A3GALT2: variants seen among roughly 807,000 people sequenced by gnomAD.
A3GALT2 encodes alpha-1,3-galactosyltransferase 2.
A3GALT2 carries 14 observed loss-of-function variants against 16.6 expected under a neutral mutation model. The observed-to-expected ratio is 0.84, with a 90% CI of 0.56 to 1.32. A3GALT2 has a LOEUF of 1.32. Ranked by LOEUF, A3GALT2 falls within the 40% of genes most tolerant of loss-of-function variation. A3GALT2 has a pLI of 0.00. For synonymous variants in A3GALT2, 253 were observed against 218.0 expected, an observed-to-expected ratio of 1.16 and a Z score of -1.42; for missense variants, 600 against 490.9, an observed-to-expected ratio of 1.22 and a Z score of -2.10.
Position 33,312,864 on chromosome 1 carries a change from TGCC to T in A3GALT2, c.47_49del (p.Arg16del). ...TAAGAGGCCAAGTGTAAGTAGGATCTGCCGCCAGAAGATTCTCTTCCAGGCCCT... is the reference window on the plus strand; with the variant it reads ...TAAGAGGCCAAGTGTAAGTAGGATCTGCCAGAAGATTCTCTTCCAGGCCCT... On this transcript the variant is annotated inframe_deletion, in exon 2 of 5. Transcript: ENST00000442999. 1 of 1,606,838 alleles carries T rather than the reference TGCC, an allele frequency of 6.2e-7. No individual in the cohort carries two copies. The highest frequency in any genetic ancestry group is 8.5e-7 in the Non-Finnish European group (1 of 1,176,804).
chr1:33,309,352 G>A (rs1424579933), intron 4 of A3GALT2, among the ~76,000 whole-genome samples: 1 of 150,016 alleles, frequency 6.7e-6, no homozygotes, highest in Admixed American at 6.6e-5. Context: ...GCTGGGCAGA[G>A]GCGCCCCCCC....
At position 33,312,164 on chromosome 1, in the gene A3GALT2, T is replaced by C; in HGVS notation, c.223A>G (p.Thr75Ala). 6.2e-7 allele frequency: 1 copy of C among 1,613,196 alleles called. No homozygotes were observed. The highest frequency in any genetic ancestry group is 8.5e-7 in the Non-Finnish European group (1 of 1,179,782). Residue 75 changes from threonine (T) to alanine (A), a missense_variant, in exon 4 of 5, where the codon ACC becomes GCC. Transcript: ENST00000442999. ...PWARPEVLTC[T>A]PWGAPIIWDG... ...CAAATAATGGGAGCCCCCCAGGGGGTACAGGTCAGAACTTCAGGCCGGGCC... is the reference window on the plus strand; with the variant it reads ...CAAATAATGGGAGCCCCCCAGGGGGCACAGGTCAGAACTTCAGGCCGGGCC...
chr1:33,311,656 A>G (rs72889862), intron 4 of A3GALT2, among the ~76,000 whole-genome samples: 5,673 of 152,134 alleles, frequency 0.037, 118 homozygotes, highest in Middle Eastern at 0.13. Context: ...CTGACCTCCA[A>G]TGGGCACCGA....
chr1:33,307,776 A>C (rs1429248652), intron 4 of A3GALT2, among the ~76,000 whole-genome samples: 1 of 376 alleles, frequency 2.7e-3, no homozygotes, highest in Non-Finnish European at 5.1e-3. Flanking sequence ...CCCCACCTCA[A>C]CCCACCCACC....
At position 33,312,630 on chromosome 1, in the gene A3GALT2, A is replaced by T. The variant is rs1646240288; in HGVS notation, c.108-40T>A. 7 of 1,520,908 alleles carry T rather than the reference A, an allele frequency of 4.6e-6. No homozygotes were observed. In the Middle Eastern group the frequency reaches 6.7e-4, roughly 145 times the overall value. 94.2% of individuals were successfully genotyped at this position (1,520,908 alleles called of 1,614,324 possible). Reference sequence around the variant, plus strand: ...GGGGCGGGGGGCAGGCAGCCGTGAGAAGCATGTCAGCCTGGCCAGGAGCCC... The same window carrying T: ...GGGGCGGGGGGCAGGCAGCCGTGAGTAGCATGTCAGCCTGGCCAGGAGCCC... On this transcript the variant is annotated intron_variant, in intron 2 of 4. Coordinates refer to ENST00000442999, the MANE Select transcript of A3GALT2 (RefSeq NM_001080438.1).
At chr1:33,309,512 G>A (rs1005804797) in intron 4 of A3GALT2, among the ~76,000 whole-genome samples, 56 of 151,928 alleles carry the variant, frequency 3.7e-4, no homozygotes, top group African/African-American at 9.9e-4. Flanking sequence ...TGGATGGGGC[G>A]GCTGCTGGGT....
intron 1 of A3GALT2, 125 bp from the exon 2 acceptor site, chr1:33,313,015 G>A (rs1467413671): frequency 2.6e-6 from 2 of 770,966 alleles, no homozygotes; most frequent in African/African-American, 3.4e-5. Flanking sequence ...AAGGTAGCCA[G>A]TGTTACCAGT....
intron 1 of A3GALT2, among the ~76,000 whole-genome samples, chr1:33,315,126 T>A (rs1646255656): frequency 6.6e-6 from 1 of 152,102 alleles, no homozygotes; most frequent in Admixed American, 6.5e-5. Flanking sequence ...GGCTCATGCC[T>A]GTAATCCCAG....
At chr1:33,315,250 C>T (rs893276679) in intron 1 of A3GALT2, among the ~76,000 whole-genome samples, 2 of 152,226 alleles carry the variant, frequency 1.3e-5, no homozygotes, top group East Asian at 3.9e-4. Context: ...GCCGTGGTGG[C>T]ACGCGTCGGT....
rs1291821642 is a variant in A3GALT2 at position 33,307,349 on chromosome 1, A to G, written c.440T>C (p.Val147Ala). The stretch of plus-strand genomic sequence containing the variant: ...TCCCGGGCCCAGCGCCACGCGGGGC[A>G]CCGCTCCCGGAAGCTCGGTGAACAC... ...YYVFTELPGA[V>A]PRVALGPGRR... is the part of the protein sequence containing the mutation. Residue 147 changes from valine to alanine, a missense_variant, in exon 5 of 5, where the codon GTG (valine) becomes GCG (alanine). Transcript: ENST00000442999. 1.9e-6 allele frequency: 3 copies of G among 1,545,154 alleles called. No homozygotes were observed. The highest frequency in any genetic ancestry group is 2.6e-6 in the Non-Finnish European group (3 of 1,153,410).
At chr1:33,315,812 G>GTA (rs1244435140) in intron 1 of A3GALT2, among the ~76,000 whole-genome samples, 1 of 152,210 alleles carries the variant, frequency 6.6e-6, no homozygotes, top group Non-Finnish European at 1.5e-5. Flanking sequence ...TGCATTCAAC[G>GTA]TATATTTATT....
intron 1 of A3GALT2, chr1:33,314,390 CT>C (rs1334374440): frequency 6.6e-6 from 1 of 152,496 alleles, no homozygotes; most frequent in Non-Finnish European, 1.5e-5. Context: ...CCTGGCTCCC[CT>C]GGTCTCTTTC....
Position 33,307,241 on chromosome 1 carries a change from G to C in A3GALT2, c.548C>G (p.Ala183Gly). ...SMARMRTLHAALGGLPGREAH... is the reference protein window; with the variant it reads ...SMARMRTLHAGLGGLPGREAH... ...CTCGCGGCCCGGCAGCCCGCCCAGC[G>C]CCGCGTGCAACGTGCGCATGCGCGC... The change falls in exon 5 of 5, where the codon GCG (alanine) becomes GGG (glycine). Residue 183 changes from alanine to glycine, a missense_variant. Transcript: ENST00000442999. 1 of 1,483,328 alleles carries C rather than the reference G, an allele frequency of 6.7e-7. No homozygotes were observed. Among genetic ancestry groups the C allele is most frequent in the Non-Finnish European group, 8.9e-7 (1 of 1,118,022 alleles). The allele number at this position is 1,483,328 out of a possible 1,614,324, so 91.9% of individuals were successfully genotyped here. A position where few individuals can be genotyped will look rare whatever the true frequency, so the allele number is the denominator to read the frequency against.
At chr1:33,311,261 C>T (rs1211024986) in intron 4 of A3GALT2, among the ~76,000 whole-genome samples, 3 of 152,130 alleles carry the variant, frequency 2.0e-5, no homozygotes, top group Non-Finnish European at 4.4e-5. Flanking sequence ...GGTCAGCACC[C>T]CGCTGCCATT....
intron 1 of A3GALT2, among the ~76,000 whole-genome samples, chr1:33,316,582 CT>C (rs776410857): frequency 8.4e-6 from 1 of 119,070 alleles, no homozygotes; most frequent in Non-Finnish European, 1.7e-5. Context: ...GTGCCAGCCC[CT>C]GGGAGGTATC....
At chr1:33,309,885 C>T (rs1302084252) in intron 4 of A3GALT2, among the ~76,000 whole-genome samples, 1 of 152,234 alleles carries the variant, frequency 6.6e-6, no homozygotes, top group Non-Finnish European at 1.5e-5. Flanking sequence ...AGACGCTCCT[C>T]ACTTCCCAGA....
intron 3 of A3GALT2, 71 bp downstream of exon 3, chr1:33,312,430 G>T: frequency 4.9e-6 from 7 of 1,437,692 alleles, no homozygotes; most frequent in South Asian, 2.7e-5. Flanking sequence ...TGTGTGGAGG[G>T]CAGGGACATG....
At chr1:33,312,783 A>G (rs762884384) in intron 2 of A3GALT2, 24 bp downstream of exon 2, 30 of 1,581,036 alleles carry the variant, frequency 1.9e-5, no homozygotes, top group Non-Finnish European at 2.4e-5. Flanking sequence ...TCCTACCTCA[A>G]GTGCTGGGGA....
rs551321680 is a variant in A3GALT2, at chr1:33,311,990, A to C, written c.335+62T>G. ...GGGAGCAGGGTGCCCCGCCTCCTTC[A>C]TCACATGCACACCCCTCCCACTCAC... is the stretch of plus-strand genomic sequence containing the variant. On this transcript the variant is annotated intron_variant, in intron 4 of 4. Coordinates refer to ENST00000442999, the MANE Select transcript of A3GALT2 (RefSeq NM_001080438.1). 9 of 1,601,346 alleles carry C rather than the reference A, an allele frequency of 5.6e-6. No individual in the cohort carries two copies. The African/African-American group carries it at 1.2e-4, about 21-fold the overall frequency.
Sources: gnomAD v4.1 joint callset for allele counts (sites outside exome capture counted in the v4.1 genomes callset) on GRCh38, gnomAD v4.1.1 for gene constraint, MANE v1.5 for transcripts, NCBI Gene and HGNC (gene_info 2026-07-23, HGNC 2026-07-21) for gene names.